The following RIMS3 variants were observed in gnomAD, a reference collection of about 807,000 sequenced individuals.
RIMS3 encodes the protein regulating synaptic membrane exocytosis 3, also known as regulating synaptic membrane exocytosis protein 3.
Under a neutral mutation model 29.2 loss-of-function variants are expected in RIMS3, and 15 were observed. The observed-to-expected ratio is 0.51, with a 90% CI of 0.34 to 0.79. RIMS3 has a LOEUF of 0.79. Among genes scored for constraint, RIMS3 ranks in the 30% least tolerant of loss-of-function variants. RIMS3 has a pLI of 0.01. For synonymous variants in RIMS3, 161 were observed against 170.1 expected (o/e 0.95, Z 0.41); for missense variants, 342 against 421.4 (o/e 0.81, Z 1.65).
At chr1:40,684,521 C>CG in the RIMS3 span, among the ~76,000 whole-genome samples, 1 of 152,046 alleles carries the variant, frequency 6.6e-6, no homozygotes, top group Non-Finnish European at 1.5e-5. Flanking sequence ...AAAACAAAGC[C>CG]GGAAGAAGGG....
chr1:40,686,244 C>T, the RIMS3 span, among the ~76,000 whole-genome samples: 1 of 152,188 alleles, frequency 6.6e-6, no homozygotes, highest in Non-Finnish European at 1.5e-5. Flanking sequence ...TTACAATGTG[C>T]CACTTGTAAT....
Position 40,635,786 on chromosome 1 carries a change from G to A in RIMS3, c.359+130C>T. 8.3e-7 allele frequency: 1 copy of A among 1,209,876 alleles called. No individual in the cohort carries two copies. The allele number at this position is 1,209,876 out of a possible 1,614,324, so 74.9% of individuals were successfully genotyped here. A position where few individuals can be genotyped will look rare whatever the true frequency, so the allele number is the denominator to read the frequency against. On this transcript the variant is annotated intron_variant, in intron 4 of 7. Transcript: ENST00000372684. The surrounding 1 kb of genome is among the most constrained non-coding windows in gnomAD (Gnocchi z 4.1). ...TGTTGAGGGGAGGGGTATGAAGGAAGGCAGAGACACAGAGGACCCAGACAT... is the reference window on the plus strand; with the variant it reads ...TGTTGAGGGGAGGGGTATGAAGGAAAGCAGAGACACAGAGGACCCAGACAT...
the RIMS3 span, among the ~76,000 whole-genome samples, chr1:40,680,393 G>A: frequency 6.8e-6 from 1 of 147,598 alleles, no homozygotes; most frequent in African/African-American, 2.5e-5. Context: ...GTGTGGTAGT[G>A]CAATCTTGGC....
chr1:40,678,606 G>T, the RIMS3 span, among the ~76,000 whole-genome samples: 1 of 152,296 alleles, frequency 6.6e-6, no homozygotes, highest in African/African-American at 2.4e-5. Context: ...ATCTTGGGAG[G>T]CAAGCAGTAA....
At chr1:40,650,905 AC>A (rs1646628308) in intron 1 of RIMS3, among the ~76,000 whole-genome samples, 1 of 135,052 alleles carries the variant, frequency 7.4e-6, no homozygotes, top group Non-Finnish European at 1.6e-5. Context: ...CCACTTAGCC[AC>A]TTTGTCTCCT....
the RIMS3 span, among the ~76,000 whole-genome samples, chr1:40,671,520 C>T: frequency 9.9e-5 from 15 of 152,122 alleles, no homozygotes; most frequent in Admixed American, 9.8e-4. Flanking sequence ...CCTTGGTGCT[C>T]TTCTCATTAT....
At chr1:40,691,569 CAG>C in the RIMS3 span, 2 of 325,500 alleles carry the variant, frequency 6.1e-6, no homozygotes, top group East Asian at 1.4e-4. Flanking sequence ...TTAAAACTCT[CAG>C]ATCTCATTCC....
intron 7 of RIMS3, 55 bp downstream of exon 7, chr1:40,628,755 A>G: frequency 1.2e-6 from 2 of 1,612,760 alleles, no homozygotes; most frequent in Non-Finnish European, 1.7e-6. Flanking sequence ...AAAACTTTAA[A>G]TTACAACTTC....
intron 1 of RIMS3, among the ~76,000 whole-genome samples, chr1:40,657,454 T>C (rs540455016): frequency 7.3e-4 from 111 of 152,096 alleles, no homozygotes; most frequent in African/African-American, 2.5e-3. Flanking sequence ...GTCTGTAAAA[T>C]GAGATGACAG....
intron 4 of RIMS3, among the ~76,000 whole-genome samples, 154 bp from the exon 5 acceptor site, chr1:40,633,335 G>A (rs1156284121): frequency 6.6e-6 from 1 of 152,268 alleles, no homozygotes; most frequent in Admixed American, 6.5e-5. Context: ...ACTACTCTGG[G>A]AAAGGACAAA....
At chr1:40,645,499 G>C (rs1410469994) in intron 2 of RIMS3, among the ~76,000 whole-genome samples, 1 of 152,134 alleles carries the variant, frequency 6.6e-6, no homozygotes, top group African/African-American at 2.4e-5. Context: ...CAAAAATGGA[G>C]GCCCGGCCCT....
Position 40,628,847 on chromosome 1 carries a change from A to T in RIMS3, c.677T>A (p.Leu226Gln). The change falls in exon 7 of 8, where the codon CTG (leucine) becomes CAG (glutamine). Residue 226 changes from leucine (L) to glutamine (Q), a missense_variant. By Grantham distance (113) the Leu-to-Gln change is moderately radical. Transcript: ENST00000372684. ...GCCCTGGGGTCCCTCGTCAAAGAGC[A>T]GAGCCTGCTGGTACAGGGGATCACA... ...KTCDPLYQQALLFDEGPQGKV... is the reference protein window; with the variant it reads ...KTCDPLYQQAQLFDEGPQGKV... 6.2e-7 allele frequency: 1 copy of T among 1,614,188 alleles called. No individual in the cohort carries two copies. The highest frequency in any genetic ancestry group is 1.1e-5 in the South Asian group (1 of 91,086).
At chr1:40,649,238 G>A (rs1479770814) in intron 1 of RIMS3, among the ~76,000 whole-genome samples, 1 of 152,084 alleles carries the variant, frequency 6.6e-6, no homozygotes, top group African/African-American at 2.4e-5. Flanking sequence ...GAGACATGGG[G>A]CACAGAATTC....
upstream of RIMS3, among the ~76,000 whole-genome samples, chr1:40,667,014 A>T (rs1384305891): frequency 3.3e-5 from 5 of 152,006 alleles, no homozygotes; most frequent in Admixed American, 6.5e-5. Context: ...GACAGGGGGA[A>T]CTCTGTCTCA....
chr1:40,653,160 C>T lies in RIMS3; in HGVS notation c.-206-5318G>A, dbSNP rs142087351. ...GGTGTTGGCCAGGTAAGCTGATTCA[C>T]GAGCGCTCAGGAGAGCAAGGTGAGT... On this transcript the variant is annotated intron_variant, in intron 1 of 7. Transcript: ENST00000372684. Among the ~76,000 whole-genome samples, 344 of 152,206 alleles carry T rather than the reference C, an allele frequency of 2.3e-3. 1 individual carries two copies. The highest frequency in any genetic ancestry group is 7.8e-3 in the African/African-American group (325 of 41,522).
chr1:40,642,218 G>A (rs1207970335), intron 2 of RIMS3, among the ~76,000 whole-genome samples: 3 of 152,186 alleles, frequency 2.0e-5, no homozygotes, highest in Non-Finnish European at 2.9e-5. Flanking sequence ...CACATGGCCC[G>A]GGCTTGAATT....
rs781135770 is a variant in RIMS3, at chr1:40,629,404, G to A, written c.473-32C>T. 9 of 1,584,140 alleles carry A rather than the reference G, an allele frequency of 5.7e-6. No homozygotes were observed. The South Asian group carries it at 8.8e-5, about 16-fold the overall frequency. On this transcript the variant is annotated intron_variant, in intron 5 of 7. Transcript: ENST00000372684. ...GGAAGAAGAGGGTGAGTCCAGGCAG[G>A]GCCAGACCAAGGGGCAGGCCAGCCA...
At chr1:40,691,467 A>C in the RIMS3 span, 1 of 288,834 alleles carries the variant, frequency 3.5e-6, no homozygotes, top group African/African-American at 2.3e-5. Context: ...AAGGATAGGC[A>C]GGGTGGTGGA....
chr1:40,691,361 TACAC>T, the RIMS3 span: 1 of 166,650 alleles, frequency 6.0e-6, no homozygotes, highest in South Asian at 9.4e-5. Context: ...AAAACACAAA[TACAC>T]ACACACGCCC....
Sources: allele counts gnomAD v4.1 joint callset (sites outside exome capture counted in the v4.1 genomes callset), GRCh38; gene constraint gnomAD v4.1.1; non-coding constraint Gnocchi (gnomAD v3.1); transcripts MANE v1.5; gene names NCBI Gene and HGNC (gene_info 2026-07-23, HGNC 2026-07-21).